The following KSR2 variants were observed in gnomAD, a reference collection of about 807,000 sequenced individuals.
KSR2 encodes the protein kinase suppressor of ras 2.
Under a neutral mutation model 107.8 loss-of-function variants are expected in KSR2, and 25 were observed. The ratio of observed to expected loss-of-function variants is 0.23; its 90% CI spans 0.17 to 0.32. KSR2 has a LOEUF of 0.32. Among genes scored for constraint, KSR2 ranks in the 10% least tolerant of loss-of-function variants. The probability of loss-of-function intolerance (pLI) is 1.00; values close to 1 mark genes in which losing one functional copy is unlikely to be tolerated. For missense variants in KSR2, 887 were observed against 1,268.9 expected (o/e 0.70, Z 4.57); for synonymous variants, 480 against 507.0 (o/e 0.95, Z 0.71).
chr12:117,915,167 T>C (rs568258755), intron 1 of KSR2, among the ~76,000 whole-genome samples: 2 of 152,306 alleles, frequency 1.3e-5, no homozygotes, highest in East Asian at 3.9e-4. Flanking sequence ...CAAACTACCA[T>C]GGGCTGGATG....
At chr12:117,756,443 C>T (rs1593203546) in intron 4 of KSR2, among the ~76,000 whole-genome samples, 1 of 152,196 alleles carries the variant, frequency 6.6e-6, no homozygotes, top group African/African-American at 2.4e-5. Flanking sequence ...ACAGCAAAGC[C>T]TGGATGATAG....
At chr12:117,686,247 G>T (rs548632090) in intron 4 of KSR2, among the ~76,000 whole-genome samples, 1 of 66,350 alleles carries the variant, frequency 1.5e-5, no homozygotes. Context: ...TTTTTTTTTA[G>T]CAGAGATGAG....
chr12:117,968,239 A>C lies in KSR2; in HGVS notation c.17T>G (p.Met6Arg). 1 of 1,348,672 alleles carries C rather than the reference A, an allele frequency of 7.4e-7. No individual in the cohort carries two copies. The highest frequency in any genetic ancestry group is 9.8e-7 in the Non-Finnish European group (1 of 1,019,104). The allele number at this position is 1,348,672 out of a possible 1,614,324, so 83.5% of individuals were successfully genotyped here. ...AGGCTGCTGCTCCTCGCTTTTCGTC[A>C]TGTTTTCCTCATCCATCGCTTGCTC... is the stretch of plus-strand genomic sequence containing the variant. MDEEN[M>R]TKSEEQQPLS... Residue 6 changes from methionine to arginine, a missense_variant, in exon 1 of 20, where the codon ATG becomes AGG. Met to Arg is a moderately conservative substitution (Grantham distance 91). Coordinates refer to ENST00000339824, the MANE Select transcript of KSR2 (RefSeq NM_173598.6).
At chr12:117,681,702 T>C (rs1048310292) in intron 4 of KSR2, among the ~76,000 whole-genome samples, 19 of 152,210 alleles carry the variant, frequency 1.2e-4, no homozygotes, top group African/African-American at 3.6e-4. Flanking sequence ...CTTGAGTTGA[T>C]TTTTGTATAA....
chr12:117,860,582 A>G (rs1314869519), intron 1 of KSR2, among the ~76,000 whole-genome samples, 151 bp from the exon 2 acceptor site: 1 of 152,076 alleles, frequency 6.6e-6, no homozygotes, highest in Non-Finnish European at 1.5e-5. Flanking sequence ...TTTGGCACCC[A>G]TCTTTCCACC....
chr12:117,739,077 C>T (rs1472480036), intron 4 of KSR2, among the ~76,000 whole-genome samples: 11 of 151,942 alleles, frequency 7.2e-5, no homozygotes, highest in Non-Finnish European at 1.3e-4. Context: ...GGTAATTGGA[C>T]GGGCGCAGCG....
chr12:117,503,526 AC>A (rs1873506241), intron 14 of KSR2, among the ~76,000 whole-genome samples: 1 of 152,190 alleles, frequency 6.6e-6, no homozygotes, highest in Admixed American at 6.5e-5. Flanking sequence ...TGATATGCAG[AC>A]CCACTAGATC....
At chr12:117,570,702 G>A (rs1358988305) in intron 7 of KSR2, among the ~76,000 whole-genome samples, 1 of 152,184 alleles carries the variant, frequency 6.6e-6, no homozygotes, top group Non-Finnish European at 1.5e-5. Context: ...TAATTTGAAA[G>A]AATTCTCAAG....
intron 1 of KSR2, among the ~76,000 whole-genome samples, chr12:117,899,518 T>A (rs961925418): frequency 1.3e-5 from 2 of 152,024 alleles, no homozygotes; most frequent in African/African-American, 4.8e-5. Context: ...AAAAAATGAA[T>A]AAAGCATTTT....
At chr12:117,773,758 T>C (rs1356673387) in intron 3 of KSR2, among the ~76,000 whole-genome samples, 4 of 152,250 alleles carry the variant, frequency 2.6e-5, no homozygotes, top group African/African-American at 7.2e-5. Flanking sequence ...CTCATAACTT[T>C]CTGGCAAGAG....
intron 3 of KSR2, among the ~76,000 whole-genome samples, chr12:117,797,525 A>G (rs1326778552): frequency 1.8e-5 from 2 of 112,412 alleles, no homozygotes; most frequent in African/African-American, 3.6e-5. Context: ...CGGGGTTTCT[A>G]TTTGGTGTGA....
intron 14 of KSR2, among the ~76,000 whole-genome samples, chr12:117,500,871 T>C (rs964128094): frequency 1.7e-4 from 26 of 152,236 alleles, no homozygotes; most frequent in African/African-American, 6.0e-4. Flanking sequence ...CCTCCCCCTT[T>C]TCTGAGAAGG....
In KSR2 at chr12:117,849,734, C is replaced by T. The variant is rs143705473; in HGVS notation, c.472+5694G>A. ...AGAGACAGACAGACAGACACAGAGA[C>T]AGAGACAGACAGGGACAGAGAGAGA... On this transcript the variant is annotated intron_variant, in intron 3 of 19. Coordinates refer to ENST00000339824, the MANE Select transcript of KSR2 (RefSeq NM_173598.6). 3.3e-5 allele frequency among the ~76,000 whole-genome samples: 5 copies of T among 152,306 alleles called. No individual in the cohort carries two copies. The East Asian group carries it at 9.6e-4, about 29-fold the overall frequency.
intron 3 of KSR2, among the ~76,000 whole-genome samples, chr12:117,784,351 A>G (rs1005454653): frequency 3.3e-5 from 5 of 152,316 alleles, no homozygotes; most frequent in Admixed American, 2.6e-4. Context: ...CTTGCCTGCC[A>G]CCATGTAAGA....
chr12:117,934,438 G>A (rs1367048733), intron 1 of KSR2, among the ~76,000 whole-genome samples: 1 of 152,148 alleles, frequency 6.6e-6, no homozygotes, highest in Non-Finnish European at 1.5e-5. Flanking sequence ...CACTTCCAGT[G>A]GCCATTCTGC....
At chr12:117,932,552 CA>C (rs1010611022) in intron 1 of KSR2, among the ~76,000 whole-genome samples, 2 of 151,840 alleles carry the variant, frequency 1.3e-5, no homozygotes, top group African/African-American at 4.8e-5. Flanking sequence ...CCTATCTCTA[CA>C]AAAAAATACA....
chr12:117,488,207 C>T (rs1248212390), intron 14 of KSR2, among the ~76,000 whole-genome samples: 1 of 152,164 alleles, frequency 6.6e-6, no homozygotes, highest in Non-Finnish European at 1.5e-5. Flanking sequence ...GTCCATAAAA[C>T]CTCTTTCCTT....
intron 7 of KSR2, among the ~76,000 whole-genome samples, chr12:117,575,944 A>G (rs1253265564): frequency 2.0e-5 from 3 of 152,198 alleles, no homozygotes; most frequent in African/African-American, 7.2e-5. Flanking sequence ...TTAAGCTCAC[A>G]CAAGAGTTTA....
chr12:117,593,757 G>T (rs901139806), intron 5 of KSR2, among the ~76,000 whole-genome samples: 2 of 152,264 alleles, frequency 1.3e-5, no homozygotes, highest in African/African-American at 2.4e-5. Flanking sequence ...TTAAGAGGCG[G>T]ATGGCCCCTA....
Sources: gnomAD v4.1 joint callset for allele counts (sites outside exome capture counted in the v4.1 genomes callset) on GRCh38, gnomAD v4.1.1 for gene constraint, MANE v1.5 for transcripts, NCBI Gene and HGNC (gene_info 2026-07-23, HGNC 2026-07-21) for gene names.